The following ADAMTS16 variants were observed in gnomAD, a reference collection of about 807,000 sequenced individuals.
ADAMTS16 encodes the protein A disintegrin and metalloproteinase with thrombospondin motifs 16.
Under a neutral mutation model 145.8 loss-of-function variants are expected in ADAMTS16, and 94 were observed. The observed-to-expected ratio is 0.64, with a 90% CI of 0.55 to 0.77. The LOEUF is 0.77. Among genes scored for constraint, ADAMTS16 ranks in the 30% least tolerant of loss-of-function variants. The pLI, the probability that ADAMTS16 is intolerant of heterozygous loss-of-function variation, is 0.00. For missense variants in ADAMTS16, 1,585 were observed against 1,591.5 expected (o/e 1.00, Z 0.07); for synonymous variants, 659 against 604.3 (o/e 1.09, Z -1.33).
At chr5:5,220,560 C>G (rs983393035) in intron 10 of ADAMTS16, among the ~76,000 whole-genome samples, 1 of 152,140 alleles carries the variant, frequency 6.6e-6, no homozygotes, top group Admixed American at 6.6e-5. Context: ...TCACAGCAGC[C>G]ACACGGCAGA....
intron 8 of ADAMTS16, among the ~76,000 whole-genome samples, chr5:5,197,730 G>A (rs1735845569): frequency 6.6e-6 from 1 of 152,144 alleles, no homozygotes; most frequent in Non-Finnish European, 1.5e-5. Context: ...TTTATTAATG[G>A]TGGTATTAAA....
At chr5:5,189,947 C>T (rs1735612216) in intron 6 of ADAMTS16, 24 bp from the exon 7 acceptor site, 1 of 1,608,938 alleles carries the variant, frequency 6.2e-7, no homozygotes, top group Non-Finnish European at 8.5e-7. Flanking sequence ...ATCATGGGGT[C>T]CTCGGTCCTT....
chr5:5,297,398 G>A (rs1739586813), intron 18 of ADAMTS16, among the ~76,000 whole-genome samples: 1 of 152,228 alleles, frequency 6.6e-6, no homozygotes, highest in Admixed American at 6.5e-5. Flanking sequence ...GAACCAGAGT[G>A]CTGTTGCCAA....
At chr5:5,237,914 C>T (rs2126382311) in intron 14 of ADAMTS16, among the ~76,000 whole-genome samples, 1 of 152,156 alleles carries the variant, frequency 6.6e-6, no homozygotes, top group East Asian at 1.9e-4. Context: ...AAGGTGTTAG[C>T]AGATCAAACA....
chr5:5,154,818 T>C (rs577076553), intron 3 of ADAMTS16, among the ~76,000 whole-genome samples: 1 of 151,946 alleles, frequency 6.6e-6, no homozygotes, highest in African/African-American at 2.4e-5. Context: ...CAAAGCAGAG[T>C]TTAAAAGGAT....
At chr5:5,286,885 A>AAAAAAATG (rs1456081255) in intron 18 of ADAMTS16, among the ~76,000 whole-genome samples, 1 of 52,198 alleles carries the variant, frequency 1.9e-5, no homozygotes, top group Non-Finnish European at 5.0e-5. Flanking sequence ...AAAAAAAAAG[A>AAAAAAATG]GTTTTTATAA....
intron 10 of ADAMTS16, among the ~76,000 whole-genome samples, chr5:5,215,662 T>C (rs1239631997): frequency 6.7e-6 from 1 of 150,256 alleles, no homozygotes; most frequent in Admixed American, 6.7e-5. Flanking sequence ...ATGCTGTTAA[T>C]TGATTCCTTT....
At chr5:5,212,124 T>A (rs924773812) in intron 10 of ADAMTS16, among the ~76,000 whole-genome samples, 1 of 152,180 alleles carries the variant, frequency 6.6e-6, no homozygotes, top group East Asian at 1.9e-4. Context: ...CAAAGATGAG[T>A]GTTAAAATCT....
At chr5:5,228,012 T>C (rs1341277816) in intron 11 of ADAMTS16, among the ~76,000 whole-genome samples, 2 of 152,258 alleles carry the variant, frequency 1.3e-5, no homozygotes, top group Admixed American at 6.5e-5. Flanking sequence ...TAATATGCTG[T>C]CATTTATCAA....
intron 11 of ADAMTS16, among the ~76,000 whole-genome samples, chr5:5,230,184 A>G (rs922584449): frequency 6.6e-6 from 1 of 152,228 alleles, no homozygotes; most frequent in Non-Finnish European, 1.5e-5. Flanking sequence ...GAAACTCCCA[A>G]CAAACAGATC....
At chr5:5,168,662 T>G (rs1255444473) in intron 3 of ADAMTS16, among the ~76,000 whole-genome samples, 2 of 106,842 alleles carry the variant, frequency 1.9e-5, no homozygotes, top group Non-Finnish European at 3.5e-5. Flanking sequence ...ATATATTATA[T>G]TTATATAATA....
intron 18 of ADAMTS16, among the ~76,000 whole-genome samples, chr5:5,302,083 C>T (rs1739801796): frequency 6.6e-6 from 1 of 152,198 alleles, no homozygotes; most frequent in South Asian, 2.1e-4. Context: ...TGTTATGGCG[C>T]CATGTTTCCC....
At chr5:5,223,605 C>A (rs895069254) in intron 11 of ADAMTS16, 2 of 151,796 alleles carry the variant, frequency 1.3e-5, no homozygotes, top group African/African-American at 4.8e-5. Flanking sequence ...ACCCATGTAA[C>A]AAATCTGCAC....
At chr5:5,196,556 A>G (rs1322018386) in intron 8 of ADAMTS16, among the ~76,000 whole-genome samples, 3 of 152,138 alleles carry the variant, frequency 2.0e-5, no homozygotes, top group Non-Finnish European at 4.4e-5. Flanking sequence ...GTTCTTACCA[A>G]TTTTATTTGT....
intron 3 of ADAMTS16, among the ~76,000 whole-genome samples, chr5:5,163,632 G>C (rs1022402949): frequency 2.0e-5 from 3 of 152,212 alleles, no homozygotes; most frequent in Admixed American, 6.5e-5. Flanking sequence ...CAAAAGCCAT[G>C]ATGAGGCCAT....
At chr5:5,282,998 T>C (rs1454557134) in intron 18 of ADAMTS16, among the ~76,000 whole-genome samples, 1 of 151,998 alleles carries the variant, frequency 6.6e-6, no homozygotes. Flanking sequence ...AAAACATTCA[T>C]TGTGTAATCA....
At chr5:5,258,034 C>T (rs1330172180) in intron 17 of ADAMTS16, among the ~76,000 whole-genome samples, 7 of 152,168 alleles carry the variant, frequency 4.6e-5, no homozygotes, top group Admixed American at 2.0e-4. Context: ...CGAAGGGTCC[C>T]GAGCACAGGA....
chr5:5,320,077 G>T lies in ADAMTS16; in HGVS notation c.*939G>T. On this transcript the variant is annotated 3_prime_UTR_variant, in exon 23 of 23. Coordinates refer to ENST00000274181, the MANE Select transcript of ADAMTS16 (RefSeq NM_139056.4). The surrounding 1 kb of genome is among the most constrained non-coding windows in gnomAD (Gnocchi z 5.1). ...TGTGTTTTGTTTTTGTGTGTTGTGAGATTTTAATCTTTTTTTTTTCGGTGA... is the reference window on the plus strand; with the variant it reads ...TGTGTTTTGTTTTTGTGTGTTGTGATATTTTAATCTTTTTTTTTTCGGTGA... 3.5e-6 allele frequency: 1 copy of T among 286,146 alleles called. No individual in the cohort carries two copies. Among genetic ancestry groups the T allele is most frequent in the Non-Finnish European group, 6.1e-6 (1 of 164,078 alleles). 17.7% of individuals were successfully genotyped at this position (286,146 alleles called of 1,614,324 possible).
At position 5,255,774 on chromosome 5, in the gene ADAMTS16, T is replaced by A. The variant is rs111538124; in HGVS notation, c.2663-6883T>A. On this transcript the variant is annotated intron_variant, in intron 17 of 22. Transcript: ENST00000274181. ...TATGCAAAGTTGTATGTTATTATGTTCAACATATTGACCTCTGTTTCTAAT... is the reference window on the plus strand; with the variant it reads ...TATGCAAAGTTGTATGTTATTATGTACAACATATTGACCTCTGTTTCTAAT... Among the ~76,000 whole-genome samples the A allele has an allele frequency of 5.5e-4, 84 of 152,366 alleles. No homozygotes were observed. The Middle Eastern group carries it at 0.02, about 37-fold the overall frequency.
Sources: gnomAD v4.1 joint callset for allele counts (sites outside exome capture counted in the v4.1 genomes callset) on GRCh38, gnomAD v4.1.1 for gene constraint, Gnocchi (gnomAD v3.1) non-coding constraint, MANE v1.5 for transcripts, NCBI Gene and HGNC (gene_info 2026-07-23, HGNC 2026-07-21) for gene names.